The following CUL5 variants were observed in gnomAD, a reference collection of about 807,000 sequenced individuals.
CUL5 encodes the protein cullin-5.
CUL5 carries 26 observed loss-of-function variants against 108.8 expected under a neutral mutation model. The ratio of observed to expected loss-of-function variants is 0.24; its 90% CI spans 0.18 to 0.33. The LOEUF (loss-of-function observed/expected upper bound fraction) is 0.33. Ranked by LOEUF, CUL5 falls within the 10% of genes least tolerant of loss-of-function variation. The pLI is 1.00. For synonymous variants in CUL5, 334 were observed against 298.0 expected, an observed-to-expected ratio of 1.12 and a Z score of -1.25; for missense variants, 524 against 909.2, an observed-to-expected ratio of 0.58 and a Z score of 5.45.
intron 11 of CUL5, among the ~76,000 whole-genome samples, chr11:108,083,987 GA>G (rs2135213881): frequency 6.6e-6 from 1 of 152,246 alleles, no homozygotes; most frequent in African/African-American, 2.4e-5. Context: ...ATTTTTTGGC[GA>G]TTTTTTTTCT....
chr11:108,042,218 C>CTTT (rs11440201), intron 2 of CUL5, among the ~76,000 whole-genome samples: 1,942 of 124,016 alleles, frequency 0.016, 108 homozygotes, highest in African/African-American at 0.05. Flanking sequence ...ATCCACAATT[C>CTTT]TTTTTTTTTT....
intron 1 of CUL5, among the ~76,000 whole-genome samples, chr11:108,009,636 C>T (rs1862011062): frequency 6.7e-6 from 1 of 150,050 alleles, no homozygotes; most frequent in African/African-American, 2.5e-5. Flanking sequence ...TTCAAGGGAC[C>T]AGCTCTGGCC....
Position 108,088,568 on chromosome 11 carries a change from T to G in CUL5, c.1220T>G (p.Leu407Arg), listed in dbSNP as rs771645763. 1 of 1,612,006 alleles carries G rather than the reference T, an allele frequency of 6.2e-7. No homozygotes were observed. Among genetic ancestry groups the G allele is most frequent in the East Asian group, 2.2e-5 (1 of 44,710 alleles). ...CAGCCTGAATCAAAATGCCCTGAGC[T>G]GCTTGCCAATTACTGTGACATGTTG... is the stretch of plus-strand genomic sequence containing the variant. ...KTQPESKCPE[L>R]LANYCDMLLR... The change falls in exon 12 of 19, where the codon CTG becomes CGG. Residue 407 changes from leucine to arginine, a missense_variant. Coordinates refer to ENST00000393094, the MANE Select transcript of CUL5 (RefSeq NM_003478.6).
At chr11:108,021,572 A>G (rs1862327361) in intron 1 of CUL5, among the ~76,000 whole-genome samples, 2 of 152,142 alleles carry the variant, frequency 1.3e-5, no homozygotes, top group Non-Finnish European at 2.9e-5. Flanking sequence ...GCAGCCTTGA[A>G]TTCCCGAGCT....
intron 1 of CUL5, among the ~76,000 whole-genome samples, chr11:108,031,351 C>A (rs536581160): frequency 3.5e-5 from 4 of 114,086 alleles, no homozygotes; most frequent in African/African-American, 1.4e-4. Flanking sequence ...GGCAACAGAA[C>A]GAGACTCTGT....
At chr11:108,075,188 G>A (rs1319183225) in intron 10 of CUL5, among the ~76,000 whole-genome samples, 5 of 151,836 alleles carry the variant, frequency 3.3e-5, no homozygotes, top group Non-Finnish European at 7.4e-5. Context: ...AAAGTAGTTC[G>A]ATAATTTTTT....
intron 13 of CUL5, among the ~76,000 whole-genome samples, chr11:108,094,102 T>C (rs1361529315): frequency 1.3e-5 from 2 of 152,224 alleles, no homozygotes; most frequent in African/African-American, 4.8e-5. Context: ...ATTTATTATA[T>C]AGTGTCAACT....
intron 7 of CUL5, among the ~76,000 whole-genome samples, chr11:108,065,740 A>G (rs779905700): frequency 1.5e-4 from 23 of 152,192 alleles, no homozygotes; most frequent in Non-Finnish European, 2.5e-4. Flanking sequence ...TTGCAGTGAC[A>G]TGAAGTTAAA....
chr11:108,098,572 A>ATT, intron 18 of CUL5, 43 bp downstream of exon 18: 9 of 1,072,364 alleles, frequency 8.4e-6, no homozygotes, highest in East Asian at 3.7e-5. Context: ...AAAAAACTTT[A>ATT]GTTTTTTTTT....
intron 2 of CUL5, among the ~76,000 whole-genome samples, chr11:108,035,118 A>C (rs1256694390): frequency 6.6e-6 from 1 of 152,224 alleles, no homozygotes; most frequent in Non-Finnish European, 1.5e-5. Context: ...AACTGTAACC[A>C]ATCCAGAAAG....
At chr11:108,028,845 AG>A (rs1862509874) in intron 1 of CUL5, among the ~76,000 whole-genome samples, 1 of 152,192 alleles carries the variant, frequency 6.6e-6, no homozygotes, top group Admixed American at 6.5e-5. Context: ...AAAATAAAAA[AG>A]ATTATGACAC....
chr11:108,102,928 G>A (rs1430099883), intron 18 of CUL5, among the ~76,000 whole-genome samples: 1 of 151,338 alleles, frequency 6.6e-6, no homozygotes, highest in Non-Finnish European at 1.5e-5. Context: ...CCTGAATAGC[G>A]GGGACCACAG....
At chr11:108,079,494 C>T (rs533002128) in intron 11 of CUL5, among the ~76,000 whole-genome samples, 11 of 152,282 alleles carry the variant, frequency 7.2e-5, no homozygotes, top group East Asian at 3.9e-4. Context: ...TATATACATT[C>T]GTCAGTCAAC....
At chr11:108,048,565 T>C (rs1244703399) in intron 3 of CUL5, among the ~76,000 whole-genome samples, 2 of 151,800 alleles carry the variant, frequency 1.3e-5, no homozygotes, top group Non-Finnish European at 2.9e-5. Context: ...AATCTTTCAC[T>C]GTTACATCGG....
intron 7 of CUL5, among the ~76,000 whole-genome samples, chr11:108,062,332 A>G (rs1053936455): frequency 1.3e-5 from 2 of 152,104 alleles, no homozygotes; most frequent in East Asian, 1.9e-4. Flanking sequence ...ACCTTTTACA[A>G]ATTGCTACAC....
intron 7 of CUL5, among the ~76,000 whole-genome samples, chr11:108,066,353 A>AT (rs1863679086): frequency 6.6e-6 from 1 of 152,022 alleles, no homozygotes; most frequent in Non-Finnish European, 1.5e-5. Context: ...CAAAAAAAAA[A>AT]CCAGAGTATC....
chr11:108,078,917 A>G (rs1242154035), intron 11 of CUL5, among the ~76,000 whole-genome samples: 3 of 152,158 alleles, frequency 2.0e-5, no homozygotes, highest in African/African-American at 2.4e-5. Flanking sequence ...CTTGAGTAAT[A>G]TTACAGTGGA....
At chr11:108,082,217 T>A (rs1864104918) in intron 11 of CUL5, among the ~76,000 whole-genome samples, 2 of 151,896 alleles carry the variant, frequency 1.3e-5, no homozygotes, top group African/African-American at 2.4e-5. Context: ...CCTCCCTCTT[T>A]CCTTTCTTTT....
chr11:108,078,514 A>C (rs539943384), intron 11 of CUL5, among the ~76,000 whole-genome samples: 1 of 152,140 alleles, frequency 6.6e-6, no homozygotes, highest in African/African-American at 2.4e-5. Flanking sequence ...AAAGTATTCT[A>C]TTACCCATAG....
Sources: allele counts gnomAD v4.1 joint callset (sites outside exome capture counted in the v4.1 genomes callset), GRCh38; gene constraint gnomAD v4.1.1; transcripts MANE v1.5; gene names NCBI Gene and HGNC (gene_info 2026-07-23, HGNC 2026-07-21).